FBXL13: variants seen among roughly 807,000 people sequenced by gnomAD.
The protein encoded by FBXL13 is F-box and leucine rich repeat protein 13, also known as F-box and leucine-rich repeat protein 13.
FBXL13 carries 67 observed loss-of-function variants against 83.6 expected under a neutral mutation model. The observed-to-expected ratio is 0.80, with a 90% CI of 0.66 to 0.98. The LOEUF (loss-of-function observed/expected upper bound fraction) is 0.98, where lower values mean the gene tolerates loss of function less well. Among genes scored for constraint, FBXL13 ranks in the 50% least tolerant of loss-of-function variants. The probability of loss-of-function intolerance (pLI) is 0.00; values close to 1 mark genes in which losing one functional copy is unlikely to be tolerated. For synonymous variants in FBXL13, 272 were observed against 299.5 expected (o/e 0.91, Z 0.95); for missense variants, 822 against 866.5 (o/e 0.95, Z 0.64).
chr7:102,994,639 G>A (rs569251240), intron 6 of FBXL13, among the ~76,000 whole-genome samples: 31 of 152,260 alleles, frequency 2.0e-4, no homozygotes, highest in African/African-American at 7.2e-4. Context: ...GAAAAAAGGA[G>A]GGTTTCGCTT....
chr7:102,963,224 G>C (rs896617036), intron 8 of FBXL13, among the ~76,000 whole-genome samples: 1 of 151,354 alleles, frequency 6.6e-6, no homozygotes, highest in Non-Finnish European at 1.5e-5. Context: ...GGCAGGCTGA[G>C]GCACGAAAAT....
chr7:102,949,664 G>A (rs1426808206), intron 8 of FBXL13, among the ~76,000 whole-genome samples: 2 of 152,086 alleles, frequency 1.3e-5, no homozygotes, highest in African/African-American at 4.8e-5. Context: ...GAAGACAATT[G>A]TACTAAGAAG....
At chr7:103,053,136 TTTTTGTTTTG>T (rs752413560) in intron 2 of FBXL13, among the ~76,000 whole-genome samples, 10 of 152,054 alleles carry the variant, frequency 6.6e-5, no homozygotes, top group Admixed American at 2.0e-4. Context: ...TTTTTGTTTG[TTTTTGTTTTG>T]TTTTGTTTTG....
chr7:102,992,122 T>C (rs938642588), intron 6 of FBXL13, among the ~76,000 whole-genome samples: 2 of 152,060 alleles, frequency 1.3e-5, no homozygotes, highest in African/African-American at 4.8e-5. Context: ...TCCAACCCCC[T>C]TGACCCACCC....
intron 11 of FBXL13, among the ~76,000 whole-genome samples, chr7:102,899,756 TTAAAGAACC>T (rs1812730533): frequency 6.6e-6 from 1 of 152,198 alleles, no homozygotes; most frequent in South Asian, 2.1e-4. Context: ...GTCATGTTAA[TTAAAGAACC>T]TACAGTGTGT....
At chr7:103,047,161 G>A (rs1344967626) in intron 2 of FBXL13, 1 of 152,116 alleles carries the variant, frequency 6.6e-6, no homozygotes, top group Admixed American at 6.5e-5. Context: ...CGTACATGAA[G>A]GTTTGATTGT....
At chr7:103,046,874 T>C (rs562822181) in intron 2 of FBXL13, 2 of 152,360 alleles carry the variant, frequency 1.3e-5, no homozygotes, top group African/African-American at 4.8e-5. Flanking sequence ...TGTGAGATTA[T>C]GAACTTAAAG....
chr7:102,886,134 C>T (rs1319282761), intron 11 of FBXL13, among the ~76,000 whole-genome samples: 1 of 152,138 alleles, frequency 6.6e-6, no homozygotes. Context: ...AAATATTTGC[C>T]TATAATGAAT....
intron 6 of FBXL13, among the ~76,000 whole-genome samples, chr7:102,983,762 A>C (rs946240520): frequency 1.3e-5 from 2 of 152,078 alleles, no homozygotes; most frequent in Non-Finnish European, 2.9e-5. Flanking sequence ...ACTTTAACAG[A>C]GTATAAAAGT....
intron 18 of FBXL13, chr7:102,826,950 T>G (rs1799843422): frequency 3.4e-6 from 1 of 297,468 alleles, no homozygotes; most frequent in African/African-American, 2.1e-5. Context: ...CTCTATCGTA[T>G]TATTTTCATT....
intron 6 of FBXL13, among the ~76,000 whole-genome samples, chr7:103,021,007 A>G (rs1285299904): frequency 2.0e-5 from 3 of 152,210 alleles, no homozygotes; most frequent in Admixed American, 6.5e-5. Flanking sequence ...GGAACCAAAA[A>G]AGAGCCCACA....
intron 1 of FBXL13, among the ~76,000 whole-genome samples, chr7:103,057,846 G>T (rs905292084): frequency 6.6e-6 from 1 of 152,110 alleles, no homozygotes; most frequent in Non-Finnish European, 1.5e-5. Flanking sequence ...TTCTCCATCG[G>T]CATTTCTCTT....
intron 16 of FBXL13, among the ~76,000 whole-genome samples, chr7:102,868,596 T>C (rs61679881): frequency 0.19 from 28,937 of 152,166 alleles, 3,017 homozygotes; most frequent in East Asian, 0.43. Flanking sequence ...ATATATTGGC[T>C]GCAGTGCACA....
At chr7:103,021,401 A>T (rs1156954595) in intron 6 of FBXL13, among the ~76,000 whole-genome samples, 1 of 152,212 alleles carries the variant, frequency 6.6e-6, no homozygotes, top group Non-Finnish European at 1.5e-5. Context: ...CCTAGGCAAT[A>T]CCATTCAGGA....
At chr7:102,834,105 A>AGAAAGAAC (rs1801354445) in intron 17 of FBXL13, among the ~76,000 whole-genome samples, 2 of 110,232 alleles carry the variant, frequency 1.8e-5, no homozygotes, top group Admixed American at 8.2e-5. Context: ...AAAGAAAGAA[A>AGAAAGAAC]GAAAGAAAGA....
intron 8 of FBXL13, among the ~76,000 whole-genome samples, chr7:102,935,498 A>G (rs923484263): frequency 6.6e-6 from 1 of 152,254 alleles, no homozygotes; most frequent in South Asian, 2.1e-4. Flanking sequence ...GAGAACTATG[A>G]GACTAAGGAA....
chr7:102,944,535 T>C (rs1822102581), intron 8 of FBXL13: 1 of 1,613,480 alleles, frequency 6.2e-7, no homozygotes. Context: ...ACACAGAAGA[T>C]GATGAATGGG....
rs141385907 is a variant in FBXL13 at position 102,971,391 on chromosome 7, C to A, written c.496-3274G>T. On this transcript the variant is annotated intron_variant, in intron 6 of 19. Coordinates refer to ENST00000313221, the Ensembl canonical transcript of FBXL13. ...GGCAGGCAGATCACCTAAGGTTGGG[C>A]GTTCGAGACCAGCCTGACCAAGATG... Among the ~76,000 whole-genome samples, 569 of 151,710 alleles carry A rather than the reference C, an allele frequency of 3.8e-3. 5 individuals are homozygous for A. The highest frequency in any genetic ancestry group is 0.014 in the African/African-American group (562 of 41,358).
At chr7:102,818,873 T>C (rs1798399734) in intron 19 of FBXL13, among the ~76,000 whole-genome samples, 1 of 152,158 alleles carries the variant, frequency 6.6e-6, no homozygotes, top group African/African-American at 2.4e-5. Flanking sequence ...CCATGGTGTT[T>C]TGCTGCACAG....
Sources: gnomAD v4.1 joint callset for allele counts (sites outside exome capture counted in the v4.1 genomes callset) on GRCh38, gnomAD v4.1.1 for gene constraint, MANE v1.5 for transcripts, NCBI Gene and HGNC (gene_info 2026-07-23, HGNC 2026-07-21) for gene names.